Variants in RREB1 observed in about 807,000 individuals in gnomAD.
RREB1 encodes ras responsive element binding protein 1, also known as ras-responsive element-binding protein 1.
Under a neutral mutation model 117.8 loss-of-function variants are expected in RREB1, and 27 were observed. The observed-to-expected ratio is 0.23, with a 90% CI of 0.17 to 0.32. The LOEUF is 0.32. Among genes scored for constraint, RREB1 ranks in the 10% least tolerant of loss-of-function variants. The pLI, the probability that RREB1 is intolerant of heterozygous loss-of-function variation, is 1.00. For synonymous variants in RREB1, 1,298 were observed against 1,026.7 expected, an observed-to-expected ratio of 1.26 and a Z score of -5.05; for missense variants, 2,577 against 2,378.2, an observed-to-expected ratio of 1.08 and a Z score of -1.74.
rs753324096 is a variant in RREB1, at chr6:7,248,618, G to A, written c.4879G>A (p.Gly1627Arg). 10 of 1,614,132 alleles carry A rather than the reference G, an allele frequency of 6.2e-6. No homozygotes were observed. Among genetic ancestry groups the A allele is most frequent in the East Asian group, 2.2e-5 (1 of 44,902 alleles). Residue 1627 changes from glycine to arginine, a missense_variant, in exon 13 of 13, where the codon GGG (glycine) becomes AGG (arginine). Transcript: ENST00000379938. Reference protein sequence around the residue: ...HQKARHAKHHGKDSDKEERGE... With the variant: ...HQKARHAKHHRKDSDKEERGE... ...GAAAGCCAGGCATGCCAAACACCAC[G>A]GGAAGGACAGCGACAAGGAAGAGCG...
chr6:7,241,994 G>A (rs1337496216), intron 11 of RREB1, among the ~76,000 whole-genome samples: 1 of 152,210 alleles, frequency 6.6e-6, no homozygotes, highest in Non-Finnish European at 1.5e-5. Context: ...GTTTGCTGCA[G>A]ACCATCCTGT....
rs545793840 is a variant in RREB1 at position 7,126,846 on chromosome 6, A to G, written c.-285+18786A>G. On this transcript the variant is annotated intron_variant, in intron 1 of 12. Coordinates refer to ENST00000379938, the MANE Select transcript of RREB1 (RefSeq NM_001003699.4). Reference sequence around the variant, plus strand: ...GGTACCAGCCTCTGGAAATGCAAGGATGGGTAAAACATGGTCCCTGCCCTA... The same window carrying G: ...GGTACCAGCCTCTGGAAATGCAAGGGTGGGTAAAACATGGTCCCTGCCCTA... Among the ~76,000 whole-genome samples the G allele has an allele frequency of 2.0e-5, 3 of 152,282 alleles. No individual in the cohort carries two copies. In the South Asian group the frequency reaches 6.2e-4, roughly 32 times the overall value.
chr6:7,205,622 C>G (rs191981622), intron 6 of RREB1, among the ~76,000 whole-genome samples: 2 of 152,270 alleles, frequency 1.3e-5, no homozygotes, highest in Admixed American at 1.3e-4. Flanking sequence ...AAGGAAGGTC[C>G]GCAGAAAGTT....
At chr6:7,138,364 C>G (rs983364177) in intron 1 of RREB1, among the ~76,000 whole-genome samples, 2 of 152,144 alleles carry the variant, frequency 1.3e-5, no homozygotes, top group Admixed American at 1.3e-4. Context: ...GAAACTGTTA[C>G]GTTGAACATT....
At chr6:7,179,768 C>T (rs968879970) in intron 2 of RREB1, among the ~76,000 whole-genome samples, 1 of 151,460 alleles carries the variant, frequency 6.6e-6, no homozygotes, top group African/African-American at 2.4e-5. Flanking sequence ...CCTTCAAAGA[C>T]AGTTAAAAAC....
intron 1 of RREB1, among the ~76,000 whole-genome samples, chr6:7,143,596 G>A (rs1268792226): frequency 6.6e-6 from 1 of 152,092 alleles, no homozygotes; most frequent in Non-Finnish European, 1.5e-5. Context: ...TATCTAGACC[G>A]TTTTGCCACC....
At chr6:7,193,949 A>G (rs4959429) in intron 6 of RREB1, among the ~76,000 whole-genome samples, 50,528 of 148,292 alleles carry the variant, frequency 0.34, 8,667 homozygotes, top group Middle Eastern at 0.41. Flanking sequence ...CACTTTGCAT[A>G]TTAGAAAAAA....
At chr6:7,172,847 T>C (rs2113502262) in intron 1 of RREB1, among the ~76,000 whole-genome samples, 1 of 152,332 alleles carries the variant, frequency 6.6e-6, no homozygotes, top group African/African-American at 2.4e-5. Flanking sequence ...GAGATAGTTT[T>C]GCCCCGAGCT....
In RREB1 at chr6:7,196,194, C is replaced by T. The variant is rs111770551; in HGVS notation, c.425+6872C>T. Reference sequence around the variant, plus strand: ...CAGATCTGGGCTCCACCCCAAAGTTCGTTGTTTTTTGGTTTTTTTTTTCGT... The same window carrying T: ...CAGATCTGGGCTCCACCCCAAAGTTTGTTGTTTTTTGGTTTTTTTTTTCGT... On this transcript the variant is annotated intron_variant, in intron 6 of 12. Coordinates refer to ENST00000379938, the MANE Select transcript of RREB1 (RefSeq NM_001003699.4). Among the ~76,000 whole-genome samples, 27 of 142,212 alleles carry T rather than the reference C, an allele frequency of 1.9e-4. 1 individual carries two copies. Among genetic ancestry groups the T allele is most frequent in the African/African-American group, 6.0e-4 (23 of 38,354 alleles). The allele number at this position is 142,212 out of a possible 152,430, so 93.3% of individuals were successfully genotyped here.
intron 10 of RREB1, among the ~76,000 whole-genome samples, chr6:7,237,857 G>T (rs1768438732): frequency 6.6e-6 from 1 of 152,140 alleles, no homozygotes; most frequent in African/African-American, 2.4e-5. Context: ...ATGTCACTTT[G>T]GGAGCCTTTG....
Position 7,246,473 on chromosome 6 carries a change from C to G in RREB1, c.4023C>G (p.Asp1341Glu). The change falls in exon 12 of 13, where the codon GAC becomes GAG. Residue 1341 changes from aspartate (D) to glutamate (E), a missense_variant. Asp to Glu is a conservative substitution (Grantham distance 45). Coordinates refer to ENST00000379938, the MANE Select transcript of RREB1 (RefSeq NM_001003699.4). ...ETAAAAGEVLDLTSRDREQPS... is the reference protein window; with the variant it reads ...ETAAAAGEVLELTSRDREQPS... The stretch of plus-strand genomic sequence containing the variant: ...CAGCCGCCGCGGGCGAAGTGCTAGA[C>G]CTCACCTCACGGGACAGAGAGCAGC... 6.5e-7 allele frequency: 1 copy of G among 1,536,888 alleles called. No homozygotes were observed. Among genetic ancestry groups the G allele is most frequent in the Non-Finnish European group, 8.8e-7 (1 of 1,140,184 alleles).
intron 10 of RREB1, among the ~76,000 whole-genome samples, chr6:7,238,791 T>G (rs1466498724): frequency 6.6e-6 from 1 of 152,334 alleles, no homozygotes; most frequent in South Asian, 2.1e-4. Flanking sequence ...TTCTGTTGTC[T>G]TTGATTGTTG....
At chr6:7,118,799 T>A (rs1005832861) in intron 1 of RREB1, among the ~76,000 whole-genome samples, 2 of 119,844 alleles carry the variant, frequency 1.7e-5, no homozygotes, top group South Asian at 2.5e-4. Flanking sequence ...GTGTTTTTTT[T>A]AATTTTTTTT....
chr6:7,249,101 G>GAGAGACAGAGAGAGAGACAGAC lies in RREB1; in HGVS notation c.*136_*137insGACAGAGAGAGAGACAGACAGA. ...AGAGAGAGAGAGAGAGAGAGAGAGA[G>GAGAGACAGAGAGAGAGACAGAC]AGACAAGCAGGAGCGTGGCTGCTCG... On this transcript the variant is annotated 3_prime_UTR_variant, in exon 13 of 13. Transcript: ENST00000379938. 1.7e-6 allele frequency: 1 copy of GAGAGACAGAGAGAGAGACAGAC among 592,046 alleles called. No individual in the cohort carries two copies. Among genetic ancestry groups the GAGAGACAGAGAGAGAGACAGAC allele is most frequent in the Admixed American group, 3.5e-5 (1 of 28,894 alleles). The allele number at this position is 592,046 out of a possible 1,614,324, so 36.7% of individuals were successfully genotyped here.
chr6:7,114,823 A>C (rs1172903172), intron 1 of RREB1, among the ~76,000 whole-genome samples: 1 of 152,194 alleles, frequency 6.6e-6, no homozygotes, highest in African/African-American at 2.4e-5. Context: ...TAGTAAATGA[A>C]AATTCTAGAA....
At position 7,196,231 on chromosome 6, in the gene RREB1, GTTTTTTT is replaced by G. The variant is rs1179803646; in HGVS notation, c.425+6918_425+6924del. On this transcript the variant is annotated intron_variant, in intron 6 of 12. Transcript: ENST00000379938. The stretch of plus-strand genomic sequence containing the variant: ...GTTTTTTTTTTCGTTTTTTTTTTTT[GTTTTTTT>G]TTTTTTTTGCTGAAACACTCGGCCT... Among the ~76,000 whole-genome samples, 3 of 83,798 alleles carry G rather than the reference GTTTTTTT, an allele frequency of 3.6e-5. No homozygotes were observed. In the East Asian group the frequency reaches 9.8e-4, roughly 27 times the overall value. The allele number at this position is 83,798 out of a possible 152,430, so 55.0% of individuals were successfully genotyped here. A position where few individuals can be genotyped will look rare whatever the true frequency, so the allele number is the denominator to read the frequency against.
At chr6:7,114,589 A>G (rs1019331721) in intron 1 of RREB1, among the ~76,000 whole-genome samples, 6 of 152,146 alleles carry the variant, frequency 3.9e-5, no homozygotes, top group African/African-American at 1.4e-4. Flanking sequence ...TGAGGTTGAG[A>G]AAGCCTGCTT....
rs141429177 is a variant in RREB1 at position 7,248,659 on chromosome 6, C to T, written c.4920C>T (p.Ser1640=). 157 of 1,614,092 alleles carry T rather than the reference C, an allele frequency of 9.7e-5. No individual in the cohort carries two copies. Among genetic ancestry groups the T allele is most frequent in the African/African-American group, 3.5e-4 (26 of 74,986 alleles). ...AGGAAGAGCGGGGTGAGGAGGACAG[C>T]GAGAATGAGTCCACCCACAGCGGCA... is the stretch of plus-strand genomic sequence containing the variant. ...SDKEERGEED[S]ENESTHSGNN... The change falls in exon 13 of 13, where the codon AGC becomes AGT. Residue 1640 remains serine (S), a synonymous_variant. Coordinates refer to ENST00000379938, the MANE Select transcript of RREB1 (RefSeq NM_001003699.4).
intron 1 of RREB1, among the ~76,000 whole-genome samples, chr6:7,116,696 TGGTGCTAGGTGGGAAAG>T: frequency 6.6e-6 from 1 of 152,082 alleles, no homozygotes; most frequent in African/African-American, 2.4e-5. Context: ...ATGCAGAAGG[TGGTGCTAGGTGGGAAAG>T]AATTAAGTTC....
Sources: allele counts gnomAD v4.1 joint callset (sites outside exome capture counted in the v4.1 genomes callset), GRCh38; gene constraint gnomAD v4.1.1; transcripts MANE v1.5; gene names NCBI Gene and HGNC (gene_info 2026-07-23, HGNC 2026-07-21).